FBXL13: variants seen among roughly 807,000 people sequenced by gnomAD.
The protein encoded by FBXL13 is F-box and leucine-rich repeat protein 13.
A neutral mutation model predicts 83.6 loss-of-function variants in FBXL13; 67 were observed. That is an observed-to-expected ratio of 0.80 (90% CI 0.66 to 0.98). The LOEUF (loss-of-function observed/expected upper bound fraction) is 0.98, where lower values mean the gene tolerates loss of function less well. FBXL13 is among the 50% of genes least tolerant of loss of function. FBXL13 has a pLI of 0.00. For missense variants in FBXL13, 822 were observed against 866.5 expected (o/e 0.95, Z 0.64); for synonymous variants, 272 against 299.5 (o/e 0.91, Z 0.95).
chr7:102,966,065 C>T (rs1370716644), intron 7 of FBXL13, among the ~76,000 whole-genome samples: 2 of 152,208 alleles, frequency 1.3e-5, no homozygotes, highest in Non-Finnish European at 2.9e-5. Context: ...CTTTACGTCG[C>T]ATCTGGACAA....
chr7:102,822,336 A>C, intron 18 of FBXL13, 133 bp from the exon 20 acceptor site: 1 of 868,412 alleles, frequency 1.2e-6, no homozygotes, highest in Non-Finnish European at 1.9e-6. Flanking sequence ...TATTTCTCAC[A>C]GTTCTAGAGG....
intron 2 of FBXL13, 60 bp downstream of exon 3, chr7:103,055,028 T>A: frequency 9.4e-7 from 1 of 1,067,482 alleles, no homozygotes; most frequent in Non-Finnish European, 1.3e-6. Context: ...AAAATCTACT[T>A]GGAAAATTCC....
rs547974594 is a variant in FBXL13 at position 102,838,772 on chromosome 7, C to T, written c.1720-5798G>A. 2.6e-4 allele frequency among the ~76,000 whole-genome samples: 40 copies of T among 152,266 alleles called. No individual in the cohort carries two copies. The South Asian group carries it at 7.9e-3, about 30-fold the overall frequency. ...GTAAAAGTCATCGCCATTCTGCAGT[C>T]TCGATAAACCAGGGGCACAATGCAC... On this transcript the variant is annotated intron_variant, in intron 17 of 19. Coordinates refer to ENST00000313221, the Ensembl canonical transcript of FBXL13.
chr7:102,844,173 T>C (rs890269345), intron 17 of FBXL13, among the ~76,000 whole-genome samples: 2 of 152,364 alleles, frequency 1.3e-5, no homozygotes, highest in African/African-American at 4.8e-5. Context: ...AGATGAACTG[T>C]CTCTGTTAGA....
At chr7:102,967,237 C>T (rs956108462) in intron 7 of FBXL13, among the ~76,000 whole-genome samples, 5 of 150,698 alleles carry the variant, frequency 3.3e-5, no homozygotes, top group African/African-American at 1.2e-4. Flanking sequence ...GGATTATAGG[C>T]GTGAGCTACT....
chr7:102,924,094 C>T (rs957045788), intron 10 of FBXL13, among the ~76,000 whole-genome samples: 5 of 151,890 alleles, frequency 3.3e-5, no homozygotes, highest in South Asian at 2.1e-4. Flanking sequence ...CAAAATTAGC[C>T]GGGTGTGGTG....
chr7:102,844,797 G>A (rs1387752539), intron 17 of FBXL13, among the ~76,000 whole-genome samples: 1 of 152,140 alleles, frequency 6.6e-6, no homozygotes, highest in African/African-American at 2.4e-5. Context: ...CAAGTCCCAG[G>A]TTGTCACTTG....
At chr7:103,013,604 A>C (rs1043753696) in intron 6 of FBXL13, among the ~76,000 whole-genome samples, 1 of 152,200 alleles carries the variant, frequency 6.6e-6, no homozygotes, top group African/African-American at 2.4e-5. Flanking sequence ...AAGATACAAG[A>C]TATCAGAATT....
intron 8 of FBXL13, among the ~76,000 whole-genome samples, chr7:102,943,871 T>C (rs1239774920): frequency 4.6e-5 from 7 of 152,178 alleles, no homozygotes; most frequent in Non-Finnish European, 1.0e-4. Context: ...TGACAGGAGG[T>C]AGTTTTGCAA....
chr7:103,045,475 A>G (rs1796177848), intron 2 of FBXL13, among the ~76,000 whole-genome samples: 2 of 152,194 alleles, frequency 1.3e-5, no homozygotes, highest in South Asian at 2.1e-4. Flanking sequence ...CACCATTGTA[A>G]AAGTACTTAT....
intron 19 of FBXL13, among the ~76,000 whole-genome samples, chr7:102,815,258 T>C (rs915553647): frequency 1.3e-5 from 2 of 152,254 alleles, no homozygotes; most frequent in Non-Finnish European, 2.9e-5. Flanking sequence ...TTAATTTCTT[T>C]CTATTACATA....
At chr7:102,874,064 A>G (rs1002587132) in intron 16 of FBXL13, among the ~76,000 whole-genome samples, 1 of 152,262 alleles carries the variant, frequency 6.6e-6, no homozygotes, top group Non-Finnish European at 1.5e-5. Context: ...CTAAATGTGT[A>G]GTGTGATTCT....
intron 11 of FBXL13, among the ~76,000 whole-genome samples, chr7:102,902,619 G>A: frequency 6.6e-6 from 1 of 152,046 alleles, no homozygotes; most frequent in Middle Eastern, 3.2e-3. Flanking sequence ...CATACATTAT[G>A]TATATAGTGT....
intron 6 of FBXL13, among the ~76,000 whole-genome samples, chr7:102,989,691 A>G (rs1829361704): frequency 6.6e-6 from 1 of 152,206 alleles, no homozygotes; most frequent in African/African-American, 2.4e-5. Flanking sequence ...ATGAAGTAGT[A>G]TCCTTTGTCA....
chr7:102,850,917 T>C (rs1248203467), intron 17 of FBXL13, among the ~76,000 whole-genome samples: 1 of 152,158 alleles, frequency 6.6e-6, no homozygotes, highest in Non-Finnish European at 1.5e-5. Flanking sequence ...TATGATTACA[T>C]TGTTCCCAGT....
intron 2 of FBXL13, among the ~76,000 whole-genome samples, chr7:103,054,206 G>GA (rs1310727529): frequency 6.6e-6 from 1 of 152,060 alleles, no homozygotes; most frequent in African/African-American, 2.4e-5. Flanking sequence ...CCAACATGGT[G>GA]AAACCCCGTT....
intron 6 of FBXL13, among the ~76,000 whole-genome samples, chr7:103,021,250 T>G (rs1585398815): frequency 6.6e-6 from 1 of 152,186 alleles, no homozygotes; most frequent in Non-Finnish European, 1.5e-5. Context: ...CCCTATTTAA[T>G]AAATGGTGCT....
chr7:103,019,906 C>A (rs1792919135), intron 6 of FBXL13, among the ~76,000 whole-genome samples: 1 of 152,172 alleles, frequency 6.6e-6, no homozygotes, highest in Admixed American at 6.5e-5. Flanking sequence ...CAAGGAGGAG[C>A]TGGTACCATT....
At position 102,877,486 on chromosome 7, in the gene FBXL13, C is replaced by CTCTAAT. The variant is rs1447371700; in HGVS notation, c.1615_1616insATTAGA (p.Gly539delinsAspTer). On this transcript the variant is annotated stop_gained and protein_altering_variant, in exon 16 of 20. Transcript: ENST00000313221. LOFTEE classifies it high-confidence loss of function. Reference sequence around the variant, plus strand: ...TTTTACCTCATTAGAGATGTCTGTTCCAGAGAGATCTATTGATACCAAGGA... The same window carrying CTCTAAT: ...TTTTACCTCATTAGAGATGTCTGTTCTCTAATCAGAGAGATCTATTGATACCAAGGA... The CTCTAAT allele has an allele frequency of 1.2e-6, 2 of 1,606,850 alleles. No homozygotes were observed. The highest frequency in any genetic ancestry group is 3.4e-5 in the Admixed American group (2 of 58,776).
Sources: gnomAD v4.1 joint callset for allele counts (sites outside exome capture counted in the v4.1 genomes callset) on GRCh38, gnomAD v4.1.1 for gene constraint, MANE v1.5 for transcripts, NCBI Gene and HGNC (gene_info 2026-07-23, HGNC 2026-07-21) for gene names.